PHTF2: variants seen among roughly 807,000 people sequenced by gnomAD.
PHTF2 encodes the protein protein PHTF2.
PHTF2 carries 60 observed loss-of-function variants against 101.2 expected under a neutral mutation model. The observed-to-expected ratio is 0.59, with a 90% CI of 0.48 to 0.73. PHTF2 has a LOEUF of 0.73. PHTF2 is among the 30% of genes least tolerant of loss of function. The pLI, the probability that PHTF2 is intolerant of heterozygous loss-of-function variation, is 0.00. For synonymous variants in PHTF2, 311 were observed against 307.3 expected (o/e 1.01, Z -0.13); for missense variants, 747 against 908.7 (o/e 0.82, Z 2.29).
chr7:77,950,037 C>A (rs1448424207), intron 17 of PHTF2, among the ~76,000 whole-genome samples: 1 of 152,054 alleles, frequency 6.6e-6, no homozygotes, highest in Admixed American at 6.6e-5. Flanking sequence ...TTTTTAATGT[C>A]CCATTTTTAT....
intron 2 of PHTF2, chr7:77,854,665 C>T: frequency 2.9e-6 from 2 of 693,280 alleles, no homozygotes; most frequent in South Asian, 3.0e-5. Context: ...TATTCTGCTG[C>T]AGTTGTGTTG....
At chr7:77,826,571 G>A (rs1470743042) in intron 1 of PHTF2, among the ~76,000 whole-genome samples, 2 of 152,088 alleles carry the variant, frequency 1.3e-5, no homozygotes, top group East Asian at 3.9e-4. Context: ...GAAAGGATCA[G>A]GAAAAGGGAG....
At chr7:77,845,306 C>T (rs1358091069) in intron 2 of PHTF2, among the ~76,000 whole-genome samples, 1 of 151,922 alleles carries the variant, frequency 6.6e-6, no homozygotes, top group Non-Finnish European at 1.5e-5. Flanking sequence ...AGAAGAGTGG[C>T]TTAGAAAAAC....
chr7:77,879,004 T>G (rs1246692117), intron 3 of PHTF2, among the ~76,000 whole-genome samples: 2 of 152,206 alleles, frequency 1.3e-5, no homozygotes, highest in African/African-American at 4.8e-5. Flanking sequence ...GCTTTTATTC[T>G]GTGATGCCGT....
At chr7:77,858,075 A>G (rs1797326014) in intron 3 of PHTF2, among the ~76,000 whole-genome samples, 1 of 152,240 alleles carries the variant, frequency 6.6e-6, no homozygotes, top group South Asian at 2.1e-4. Context: ...AATAGCACTT[A>G]TAAACCTCAA....
intron 1 of PHTF2, among the ~76,000 whole-genome samples, chr7:77,826,105 T>G (rs1474108916): frequency 6.6e-6 from 1 of 152,092 alleles, no homozygotes; most frequent in Non-Finnish European, 1.5e-5. Context: ...ATTATTTTGG[T>G]ATCCTGGCCA....
Position 77,913,917 on chromosome 7 carries a change from T to A in PHTF2, c.776+3508T>A, listed in dbSNP as rs558053551. 1.4e-4 allele frequency among the ~76,000 whole-genome samples: 21 copies of A among 151,930 alleles called. No homozygotes were observed. The South Asian group carries it at 4.4e-3, about 32-fold the overall frequency. On this transcript the variant is annotated intron_variant, in intron 9 of 19. Transcript: ENST00000416283. Reference sequence around the variant, plus strand: ...CAGGTCAAATTAAAATACAAAAAAATTAGCCAGGCATAGTGGCACGTGCCT... The same window carrying A: ...CAGGTCAAATTAAAATACAAAAAAAATAGCCAGGCATAGTGGCACGTGCCT...
At chr7:77,882,412 T>C (rs1332888105) in intron 3 of PHTF2, among the ~76,000 whole-genome samples, 4 of 152,220 alleles carry the variant, frequency 2.6e-5, no homozygotes, top group Admixed American at 2.6e-4. Flanking sequence ...GTAGCTTTAC[T>C]TTTTTTAGTA....
intron 2 of PHTF2, among the ~76,000 whole-genome samples, chr7:77,841,575 C>T (rs1177056718): frequency 6.6e-6 from 1 of 152,132 alleles, no homozygotes; most frequent in Non-Finnish European, 1.5e-5. Flanking sequence ...TGTGGTCCTC[C>T]TACCTAAACC....
intron 3 of PHTF2, among the ~76,000 whole-genome samples, chr7:77,869,830 G>A (rs1334922271): frequency 6.6e-6 from 1 of 151,930 alleles, no homozygotes; most frequent in Admixed American, 6.6e-5. Flanking sequence ...GAGTTTTTTT[G>A]TTGTTGCTGT....
intron 3 of PHTF2, among the ~76,000 whole-genome samples, chr7:77,875,450 C>T (rs1364281043): frequency 6.6e-6 from 1 of 151,978 alleles, no homozygotes; most frequent in Non-Finnish European, 1.5e-5. Flanking sequence ...AAGGATTAAA[C>T]AACATTGTTT....
At chr7:77,829,469 G>A (rs1424619569) in intron 1 of PHTF2, among the ~76,000 whole-genome samples, 2 of 152,160 alleles carry the variant, frequency 1.3e-5, no homozygotes, top group Non-Finnish European at 2.9e-5. Context: ...AACGTGTGGT[G>A]TTTATTCTTT....
intron 12 of PHTF2, among the ~76,000 whole-genome samples, chr7:77,931,271 A>G (rs1804537125): frequency 6.6e-6 from 1 of 152,250 alleles, no homozygotes; most frequent in African/African-American, 2.4e-5. Context: ...ATAAATTTGA[A>G]TATCTTAAGA....
chr7:77,932,022 C>T (rs887548333), intron 12 of PHTF2, among the ~76,000 whole-genome samples: 2 of 152,120 alleles, frequency 1.3e-5, no homozygotes, highest in Admixed American at 6.5e-5. Flanking sequence ...ATCACTTGAA[C>T]CTGGGAGGCA....
intron 3 of PHTF2, among the ~76,000 whole-genome samples, chr7:77,879,403 G>A (rs1355561178): frequency 5.3e-5 from 8 of 152,038 alleles, no homozygotes; most frequent in African/African-American, 4.8e-5. Context: ...TAAAGAACTC[G>A]TGATGGCCTT....
At chr7:77,855,022 T>C (rs1250418508) in intron 3 of PHTF2, among the ~76,000 whole-genome samples, 1 of 152,240 alleles carries the variant, frequency 6.6e-6, no homozygotes, top group Non-Finnish European at 1.5e-5. Flanking sequence ...TTTCTCTTCC[T>C]TAAGCAGAAG....
intron 1 of PHTF2, among the ~76,000 whole-genome samples, chr7:77,830,830 A>G (rs568772147): frequency 1.0e-3 from 155 of 152,224 alleles, no homozygotes; most frequent in African/African-American, 3.5e-3. Context: ...TCCATGCATG[A>G]CCCGCCCATT....
At chr7:77,882,012 A>G (rs1799464657) in intron 3 of PHTF2, among the ~76,000 whole-genome samples, 1 of 152,196 alleles carries the variant, frequency 6.6e-6, no homozygotes, top group African/African-American at 2.4e-5. Flanking sequence ...AACTTGAGTC[A>G]GTGTTTTACT....
intron 15 of PHTF2, among the ~76,000 whole-genome samples, chr7:77,942,196 C>G (rs1402870636): frequency 6.6e-6 from 1 of 152,174 alleles, no homozygotes; most frequent in African/African-American, 2.4e-5. Context: ...TCCTAACCCT[C>G]AAATCTAAAT....
Sources: gnomAD v4.1 joint callset for allele counts (sites outside exome capture counted in the v4.1 genomes callset) on GRCh38, gnomAD v4.1.1 for gene constraint, MANE v1.5 for transcripts, NCBI Gene and HGNC (gene_info 2026-07-23, HGNC 2026-07-21) for gene names.